The following ARID1B variants were observed in gnomAD, a reference collection of about 807,000 sequenced individuals.
The protein encoded by ARID1B is AT-rich interaction domain 1B, also known as AT-rich interactive domain-containing protein 1B.
ARID1B carries 30 observed loss-of-function variants against 212.3 expected under a neutral mutation model. That is an observed-to-expected ratio of 0.14 (90% confidence interval 0.11 to 0.19). The LOEUF (loss-of-function observed/expected upper bound fraction) is 0.19. Among genes scored for constraint, ARID1B ranks in the 10% least tolerant of loss-of-function variants. The pLI is 1.00. For missense variants in ARID1B, 2,891 were observed against 3,204.0 expected, an observed-to-expected ratio of 0.90 and a Z score of 2.36; for synonymous variants, 1,402 against 1,301.7, an observed-to-expected ratio of 1.08 and a Z score of -1.66.
At chr6:157,073,463 T>C (rs553070446) in intron 4 of ARID1B, among the ~76,000 whole-genome samples, 28 of 152,306 alleles carry the variant, frequency 1.8e-4, no homozygotes, top group Admixed American at 7.2e-4. Context: ...CATTCTTTAC[T>C]CAAAATGTAT....
At chr6:156,810,106 C>A (rs990739870) in intron 1 of ARID1B, among the ~76,000 whole-genome samples, 1 of 152,210 alleles carries the variant, frequency 6.6e-6, no homozygotes, top group Non-Finnish European at 1.5e-5. Flanking sequence ...AAAATCATTT[C>A]TGTTCCTTGT....
chr6:156,877,965 C>G (rs1344598615), intron 2 of ARID1B, among the ~76,000 whole-genome samples: 1 of 152,108 alleles, frequency 6.6e-6, no homozygotes, highest in Non-Finnish European at 1.5e-5. Flanking sequence ...ATCCACCTGC[C>G]TCAGCCTCCC....
At chr6:157,103,752 A>G (rs2128500503) in intron 5 of ARID1B, among the ~76,000 whole-genome samples, 1 of 152,244 alleles carries the variant, frequency 6.6e-6, no homozygotes, top group South Asian at 2.1e-4. Context: ...AGCAAACAGA[A>G]TCCAACAGTA....
intron 2 of ARID1B, among the ~76,000 whole-genome samples, chr6:156,880,739 C>CAAAAAAAAAAAAAAA (rs141153792): frequency 2.3e-5 from 2 of 86,994 alleles, no homozygotes; most frequent in Non-Finnish European, 4.1e-5. Context: ...GACTCTGTCT[C>CAAAAAAAAAAAAAAA]AAAAAAAAAA....
chr6:156,982,024 C>T (rs1373726959), intron 4 of ARID1B, among the ~76,000 whole-genome samples: 1 of 150,778 alleles, frequency 6.6e-6, no homozygotes, highest in Non-Finnish European at 1.5e-5. Context: ...CCTGGGATGT[C>T]TCTTTTTTTT....
chr6:157,144,697 G>A (rs1194752057), intron 7 of ARID1B, among the ~76,000 whole-genome samples: 1 of 152,120 alleles, frequency 6.6e-6, no homozygotes, highest in Non-Finnish European at 1.5e-5. Context: ...GGGCCCAGCA[G>A]CTGGCCCCTG....
At chr6:156,867,505 G>A (rs1300902900) in intron 2 of ARID1B, among the ~76,000 whole-genome samples, 3 of 152,060 alleles carry the variant, frequency 2.0e-5, no homozygotes, top group African/African-American at 7.2e-5. Context: ...TATTTTATTG[G>A]GATATTTGAT....
Position 156,779,134 on chromosome 6 carries a change from T to A in ARID1B, c.1454T>A (p.Phe485Tyr). 7.2e-6 allele frequency: 9 copies of A among 1,251,708 alleles called. No individual in the cohort carries two copies. Among genetic ancestry groups the A allele is most frequent in the Non-Finnish European group, 9.0e-6 (9 of 997,436 alleles). The allele number at this position is 1,251,708 out of a possible 1,614,324, so 77.5% of individuals were successfully genotyped here. The change falls in exon 1 of 20, where the codon TTC (phenylalanine) becomes TAC (tyrosine). Residue 485 changes from phenylalanine (F) to tyrosine (Y), a missense_variant. Physicochemically the swap from Phe to Tyr is conservative, Grantham distance 22 (BLOSUM62 3). This residue lies in a region of ARID1B where 1,643 missense variants were observed against 1,544.0 expected (regional missense o/e 1.06). Coordinates refer to ENST00000636930, the MANE Select transcript of ARID1B (RefSeq NM_001374828.1). ...KAAAGSAAGG[F>Y]QRFAGQNQHP... ...GCCGCCGGCTCGGCGGCGGGGGGCT[T>A]CCAGCGCTTCGCCGGCCAGAACCAG... is the stretch of plus-strand genomic sequence containing the variant.
chr6:156,948,482 C>T (rs548905593), intron 4 of ARID1B, among the ~76,000 whole-genome samples: 1 of 152,282 alleles, frequency 6.6e-6, no homozygotes. Flanking sequence ...TCATGTGGTC[C>T]TCCCACCTCT....
At chr6:156,966,724 C>T (rs747775592) in intron 4 of ARID1B, among the ~76,000 whole-genome samples, 1 of 145,872 alleles carries the variant, frequency 6.9e-6, no homozygotes, top group Non-Finnish European at 1.5e-5. Flanking sequence ...TGCTTTGAGA[C>T]GGAGTCTCGC....
At chr6:157,103,781 T>C (rs1212873723) in intron 5 of ARID1B, among the ~76,000 whole-genome samples, 1 of 151,432 alleles carries the variant, frequency 6.6e-6, no homozygotes. Context: ...AAATAATGTA[T>C]CATAAGTGGC....
At chr6:156,903,603 T>G (rs287942) in intron 3 of ARID1B, among the ~76,000 whole-genome samples, 37,353 of 152,102 alleles carry the variant, frequency 0.25, 4,998 homozygotes, top group Middle Eastern at 0.31. Context: ...AGTGATAACT[T>G]GCATTATAGA....
intron 4 of ARID1B, among the ~76,000 whole-genome samples, chr6:156,978,718 T>C (rs1777416613): frequency 6.6e-6 from 1 of 152,230 alleles, no homozygotes; most frequent in Non-Finnish European, 1.5e-5. Flanking sequence ...GTAGAGTATC[T>C]TTGTTAGTAT....
intron 4 of ARID1B, chr6:156,984,810 C>T (rs1777824677): frequency 6.6e-6 from 1 of 152,278 alleles, no homozygotes; most frequent in Non-Finnish European, 1.5e-5. Flanking sequence ...ACCTCAGCCT[C>T]ATGAGTAGTT....
rs531097224 is a variant in ARID1B, at chr6:157,148,986, G to A, written c.3089+35G>A. 3 of 1,581,306 alleles carry A rather than the reference G, an allele frequency of 1.9e-6. No individual in the cohort carries two copies. The highest frequency in any genetic ancestry group is 1.8e-5 in the Admixed American group (1 of 56,214). ...CCAGGAGCACGCCCCGGGCAGGTAC[G>A]CTGTGTGTCTACCCGTGACCACGTG... On this transcript the variant is annotated intron_variant, in intron 8 of 19. Coordinates refer to ENST00000636930, the MANE Select transcript of ARID1B (RefSeq NM_001374828.1). This position sits in a 1 kb window ranked among gnomAD's most constrained non-coding sequence, Gnocchi z 5.6.
At chr6:157,193,420 A>C (rs574632778) in intron 15 of ARID1B, 1 of 152,274 alleles carries the variant, frequency 6.6e-6, no homozygotes, top group Admixed American at 6.5e-5. Context: ...CTACCCCCAA[A>C]TCTTAGTGGC....
chr6:157,031,512 A>G lies in ARID1B; in HGVS notation c.2248-53150A>G, dbSNP rs113868932. ...TGATTGTTACTAGCCTCCTCTCCTCACCTTTATTCCCCTTTGGGCAGAACA... is the reference window on the plus strand; with the variant it reads ...TGATTGTTACTAGCCTCCTCTCCTCGCCTTTATTCCCCTTTGGGCAGAACA... On this transcript the variant is annotated intron_variant, in intron 4 of 19. Coordinates refer to ENST00000636930, the MANE Select transcript of ARID1B (RefSeq NM_001374828.1). Among the ~76,000 whole-genome samples the G allele has an allele frequency of 8.1e-3, 1,240 of 152,196 alleles. 22 individuals are homozygous for G. The highest frequency in any genetic ancestry group is 0.029 in the African/African-American group (1,184 of 41,538).
Position 157,090,959 on chromosome 6 carries a change from G to A in ARID1B, c.2491+6054G>A, listed in dbSNP as rs7754691. On this transcript the variant is annotated intron_variant, in intron 5 of 19. Transcript: ENST00000636930. The stretch of plus-strand genomic sequence containing the variant: ...CGTGTGCCTCCTGCCTGGGGTAGCC[G>A]CCTCCCGCCTGGGGTAGCCTCTTCC... Among the ~76,000 whole-genome samples, 801 of 152,166 alleles carry A rather than the reference G, an allele frequency of 5.3e-3. 13 individuals carry two copies. Among genetic ancestry groups the A allele is most frequent in the African/African-American group, 0.018 (742 of 41,524 alleles).
intron 9 of ARID1B, chr6:157,167,950 C>T (rs1791447633): frequency 1.3e-5 from 2 of 152,264 alleles, no homozygotes; most frequent in Non-Finnish European, 2.9e-5. Flanking sequence ...ACCTGTTACT[C>T]TCTGTCACAT....
Sources: gnomAD v4.1 joint callset for allele counts (sites outside exome capture counted in the v4.1 genomes callset) on GRCh38, gnomAD v4.1.1 for gene constraint, gnomAD v4.1.1 regional missense constraint, Gnocchi (gnomAD v3.1) non-coding constraint, MANE v1.5 for transcripts, NCBI Gene and HGNC (gene_info 2026-07-23, HGNC 2026-07-21) for gene names.